Variants in PRICKLE2 observed in about 807,000 individuals in gnomAD.
The protein encoded by PRICKLE2 is prickle-like protein 2.
In PRICKLE2, 21 loss-of-function variants were observed where a neutral mutation model predicts 81.4. The ratio of observed to expected loss-of-function variants is 0.26; its 90% confidence interval spans 0.18 to 0.37. The LOEUF is 0.37. Ranked by LOEUF, PRICKLE2 falls within the 10% of genes least tolerant of loss-of-function variation. The pLI is 1.00. For missense variants in PRICKLE2, 940 were observed against 1,109.0 expected (o/e 0.85, Z 2.16); for synonymous variants, 456 against 421.5 (o/e 1.08, Z -1.00).
At chr3:64,238,500 AG>A (rs2079215730) in intron 2 of PRICKLE2, among the ~76,000 whole-genome samples, 2 of 143,592 alleles carry the variant, frequency 1.4e-5, no homozygotes, top group Admixed American at 7.0e-5. Context: ...AAAAAAAAAA[AG>A]AAAAAAGAAA....
chr3:64,156,159 C>T (rs192620054), intron 5 of PRICKLE2, among the ~76,000 whole-genome samples: 2 of 152,294 alleles, frequency 1.3e-5, no homozygotes, highest in East Asian at 3.9e-4. Flanking sequence ...GTTCTAGAAC[C>T]ACAGAGTTGG....
At chr3:64,155,053 T>A (rs1228172665) in intron 5 of PRICKLE2, 1 of 146,972 alleles carries the variant, frequency 6.8e-6, no homozygotes, top group Non-Finnish European at 1.5e-5. Flanking sequence ...GGAGGTTCGG[T>A]CAGGAGAATT....
chr3:64,148,742 C>A (rs760705739), intron 6 of PRICKLE2, among the ~76,000 whole-genome samples: 9 of 152,136 alleles, frequency 5.9e-5, no homozygotes, highest in Non-Finnish European at 1.3e-4. Flanking sequence ...TTGCTCCTTC[C>A]ACTATATGAT....
intron 2 of PRICKLE2, among the ~76,000 whole-genome samples, chr3:64,238,195 T>A (rs1416933952): frequency 1.3e-5 from 2 of 151,984 alleles, no homozygotes; most frequent in African/African-American, 4.8e-5. Flanking sequence ...TTAGAAAACT[T>A]GGTAGTATTG....
chr3:64,155,377 A>AC (rs397755447), intron 5 of PRICKLE2, among the ~76,000 whole-genome samples: 2 of 151,692 alleles, frequency 1.3e-5, no homozygotes, highest in Non-Finnish European at 2.9e-5. Context: ...AAAAAAAAAA[A>AC]CAGATAATAA....
At chr3:64,216,066 G>A (rs1046351568) in intron 1 of PRICKLE2, among the ~76,000 whole-genome samples, 3 of 152,212 alleles carry the variant, frequency 2.0e-5, no homozygotes, top group Non-Finnish European at 2.9e-5. Flanking sequence ...TTCTAGCTCC[G>A]CAGGGTTTAA....
intron 2 of PRICKLE2, among the ~76,000 whole-genome samples, chr3:64,192,773 T>A (rs2078368440): frequency 6.6e-6 from 1 of 152,220 alleles, no homozygotes; most frequent in Non-Finnish European, 1.5e-5. Flanking sequence ...GTGTTCTGGA[T>A]GATGAATCTA....
At chr3:64,238,171 C>A (rs541028917) in intron 2 of PRICKLE2, among the ~76,000 whole-genome samples, 4 of 152,282 alleles carry the variant, frequency 2.6e-5, no homozygotes, top group South Asian at 4.2e-4. Context: ...TTATATACCA[C>A]AACGTGCTTC....
chr3:64,246,789 C>G (rs1400232292), intron 2 of PRICKLE2, among the ~76,000 whole-genome samples: 1 of 152,154 alleles, frequency 6.6e-6, no homozygotes, highest in African/African-American at 2.4e-5. Context: ...AGTTCACAGC[C>G]AAAGGTTTTA....
At position 64,225,049 on chromosome 3, in the gene PRICKLE2, TC is replaced by T. The variant is rs1006357136; in HGVS notation, c.-181del. 2.0e-6 allele frequency: 2 copies of T among 985,190 alleles called. No individual in the cohort carries two copies. The highest frequency in any genetic ancestry group is 3.5e-5 in the African/African-American group (2 of 57,182). The allele number at this position is 985,190 out of a possible 1,614,324, so 61.0% of individuals were successfully genotyped here. ...GACCTCAGGCAGCCAAAGCATCTTC[TC>T]CTCAAACCCCCTTTTCAGTCTGAAC... On this transcript the variant is annotated 5_prime_UTR_variant, in exon 1 of 8. Coordinates refer to ENST00000638394, the MANE Select transcript of PRICKLE2 (RefSeq NM_198859.4).
chr3:64,248,703 T>C (rs2079396838), intron 2 of PRICKLE2, among the ~76,000 whole-genome samples: 1 of 151,728 alleles, frequency 6.6e-6, no homozygotes. Flanking sequence ...CCCATCCCAT[T>C]CCATACTGCA....
chr3:64,264,434 A>G (rs1473581599), intron 2 of PRICKLE2, among the ~76,000 whole-genome samples: 1 of 152,214 alleles, frequency 6.6e-6, no homozygotes, highest in African/African-American at 2.4e-5. Flanking sequence ...ATCCCTATGC[A>G]CTATAAAGTC....
intron 2 of PRICKLE2, among the ~76,000 whole-genome samples, chr3:64,250,776 C>T (rs1043541409): frequency 6.6e-6 from 1 of 152,166 alleles, no homozygotes; most frequent in African/African-American, 2.4e-5. Context: ...CAGAGTGAAA[C>T]CCCAAGTCCT....
chr3:64,135,187 G>C (rs1021817329), intron 7 of PRICKLE2, among the ~76,000 whole-genome samples: 5 of 152,214 alleles, frequency 3.3e-5, no homozygotes, highest in African/African-American at 1.2e-4. Flanking sequence ...TAGCACAGCT[G>C]AGAGTCAAGG....
intron 2 of PRICKLE2, among the ~76,000 whole-genome samples, chr3:64,239,069 G>C (rs567351193): frequency 6.6e-6 from 1 of 152,250 alleles, no homozygotes; most frequent in African/African-American, 2.4e-5. Context: ...GACAGGCCCA[G>C]ACGGATGTCA....
At chr3:64,152,602 A>C (rs1052889318) in intron 6 of PRICKLE2, among the ~76,000 whole-genome samples, 5 of 151,164 alleles carry the variant, frequency 3.3e-5, no homozygotes, top group African/African-American at 1.2e-4. Flanking sequence ...GGTTTCCTTG[A>C]CAATCCCTCT....
At chr3:64,128,971 T>A (rs1575570016) in intron 7 of PRICKLE2, among the ~76,000 whole-genome samples, 2 of 152,150 alleles carry the variant, frequency 1.3e-5, no homozygotes, top group African/African-American at 4.8e-5. Context: ...AATTCCTTGA[T>A]GTGGAGGCTG....
intron 7 of PRICKLE2, among the ~76,000 whole-genome samples, chr3:64,132,435 G>A (rs551501720): frequency 1.2e-4 from 18 of 152,150 alleles, no homozygotes; most frequent in South Asian, 4.2e-4. Context: ...TCTACCTAAG[G>A]CCTCAGTTTC....
intron 2 of PRICKLE2, among the ~76,000 whole-genome samples, chr3:64,182,416 T>C (rs1328686122): frequency 6.6e-6 from 1 of 151,286 alleles, no homozygotes; most frequent in Non-Finnish European, 1.5e-5. Flanking sequence ...ATCATCTGAG[T>C]GCAGGGAGGT....
Sources: gnomAD v4.1 joint callset for allele counts (sites outside exome capture counted in the v4.1 genomes callset) on GRCh38, gnomAD v4.1.1 for gene constraint, MANE v1.5 for transcripts, NCBI Gene and HGNC (gene_info 2026-07-23, HGNC 2026-07-21) for gene names.